The following E2F3 variants were observed in gnomAD, a reference collection of about 807,000 sequenced individuals.
The protein encoded by E2F3 is transcription factor E2F3.
Under a neutral mutation model 44.4 loss-of-function variants are expected in E2F3, and 11 were observed. The ratio of observed to expected loss-of-function variants is 0.25; its 90% CI spans 0.16 to 0.41. The LOEUF (loss-of-function observed/expected upper bound fraction) is 0.41, where lower values mean the gene tolerates loss of function less well. E2F3 is among the 10% of genes least tolerant of loss of function. The probability of loss-of-function intolerance (pLI) is 1.00; values close to 1 mark genes in which losing one functional copy is unlikely to be tolerated. For synonymous variants in E2F3, 249 were observed against 253.0 expected, an observed-to-expected ratio of 0.98 and a Z score of 0.15; for missense variants, 487 against 583.6, an observed-to-expected ratio of 0.83 and a Z score of 1.70.
chr6:20,490,315 C>A lies in E2F3; in HGVS notation c.1283C>A (p.Pro428His), dbSNP rs1309080269. ...LEGPFVNLLP[P>H]LLQEDYLLSL... ...GGACCGTTTGTGAACTTACTGCCTCCCCTGCTGCAAGAGGACTATCTCCTG... is the reference window on the plus strand; with the variant it reads ...GGACCGTTTGTGAACTTACTGCCTCACCTGCTGCAAGAGGACTATCTCCTG... Residue 428 changes from proline to histidine, a missense_variant, in exon 7 of 7, where the codon CCC (proline) becomes CAC (histidine). By Grantham distance (77) the Pro-to-His change is moderately conservative. Around this residue, in one of 3 missense-constraint regions of E2F3, gnomAD observed 220 missense variants for 261.7 expected, o/e 0.84. Coordinates refer to ENST00000346618, the MANE Select transcript of E2F3 (RefSeq NM_001949.5). This position sits in a 1 kb window ranked among gnomAD's most constrained non-coding sequence, Gnocchi z 4.3. 1.2e-6 allele frequency: 2 copies of A among 1,614,156 alleles called. No individual in the cohort carries two copies. Among genetic ancestry groups the A allele is most frequent in the East Asian group, 2.2e-5 (1 of 44,882 alleles).
intron 1 of E2F3, among the ~76,000 whole-genome samples, chr6:20,428,191 C>G (rs1419849269): frequency 1.3e-5 from 2 of 152,108 alleles, no homozygotes; most frequent in Non-Finnish European, 2.9e-5. Flanking sequence ...AGTCATTTCT[C>G]TTTTCTAGAC....
chr6:20,443,940 A>G (rs1475912186), intron 1 of E2F3, among the ~76,000 whole-genome samples: 1 of 152,168 alleles, frequency 6.6e-6, no homozygotes, highest in African/African-American at 2.4e-5. Context: ...GGCTGGGCTC[A>G]GTGTCTCACT....
At chr6:20,409,870 G>A (rs1360213041) in intron 1 of E2F3, among the ~76,000 whole-genome samples, 1 of 152,210 alleles carries the variant, frequency 6.6e-6, no homozygotes, top group African/African-American at 2.4e-5. Context: ...CCACAAACCA[G>A]AAAGGTGCCC....
intron 1 of E2F3, among the ~76,000 whole-genome samples, chr6:20,444,789 G>C (rs1002941616): frequency 6.6e-6 from 1 of 152,226 alleles, no homozygotes; most frequent in Non-Finnish European, 1.5e-5. Flanking sequence ...AGATTTTGTT[G>C]CTAGGTCTTG....
chr6:20,412,018 T>C (rs1759690871), intron 1 of E2F3, among the ~76,000 whole-genome samples: 2 of 152,218 alleles, frequency 1.3e-5, no homozygotes, highest in African/African-American at 4.8e-5. Context: ...CCATTAGTCC[T>C]ATTGGGGATA....
rs1762612303 is a variant in E2F3, at chr6:20,493,619, C to G, written c.*3189C>G. On this transcript the variant is annotated 3_prime_UTR_variant, in exon 7 of 7. Transcript: ENST00000346618. ...TGTAAATAGATTTGTTACAGGGTGA[C>G]CTGTTCTCTAGCTGTGATCTTACCA... 4.9e-6 allele frequency: 1 copy of G among 204,374 alleles called. No homozygotes were observed. Among genetic ancestry groups the G allele is most frequent in the South Asian group, 1.9e-4 (1 of 5,264 alleles). 12.7% of individuals were successfully genotyped at this position (204,374 alleles called of 1,614,324 possible).
At chr6:20,464,390 C>T (rs915428918) in intron 1 of E2F3, among the ~76,000 whole-genome samples, 2 of 152,192 alleles carry the variant, frequency 1.3e-5, no homozygotes, top group African/African-American at 2.4e-5. Context: ...TTGCATTCCT[C>T]AGGTAGGTAG....
chr6:20,418,394 G>C (rs1032135747), intron 1 of E2F3, among the ~76,000 whole-genome samples: 6 of 152,340 alleles, frequency 3.9e-5, no homozygotes, highest in Admixed American at 3.3e-4. Context: ...TGGCCAGCCA[G>C]TTGGCTGTCT....
At chr6:20,443,577 CA>C (rs1382073458) in intron 1 of E2F3, among the ~76,000 whole-genome samples, 1 of 151,822 alleles carries the variant, frequency 6.6e-6, no homozygotes, top group Non-Finnish European at 1.5e-5. Flanking sequence ...CCTATCTCTT[CA>C]AAAAAATTTA....
rs747485409 is a variant in E2F3, at chr6:20,492,861, T to C, written c.*2431T>C. ...GTATCCGGCACACAAAGTGGGTTAG[T>C]ACTACAGTATTTGCGTTACTTTAAG... On this transcript the variant is annotated 3_prime_UTR_variant, in exon 7 of 7. Transcript: ENST00000346618. The C allele has an allele frequency of 6.3e-4, 139 of 221,916 alleles. 1 individual carries two copies. The highest frequency in any genetic ancestry group is 1.1e-3 in the Non-Finnish European group (120 of 110,722). The allele number at this position is 221,916 out of a possible 1,614,324, so 13.7% of individuals were successfully genotyped here.
At chr6:20,439,696 A>T (rs1489675777) in intron 1 of E2F3, among the ~76,000 whole-genome samples, 1 of 152,034 alleles carries the variant, frequency 6.6e-6, no homozygotes, top group Non-Finnish European at 1.5e-5. Context: ...AAGCCTGGCT[A>T]ATTTTTTAAA....
At position 20,491,073 on chromosome 6, in the gene E2F3, T is replaced by C. The variant is rs1762540572; in HGVS notation, c.*643T>C. 4.3e-6 allele frequency: 1 copy of C among 230,142 alleles called. No individual in the cohort carries two copies. Among genetic ancestry groups the C allele is most frequent in the South Asian group, 1.8e-4 (1 of 5,500 alleles). 14.3% of individuals were successfully genotyped at this position (230,142 alleles called of 1,614,324 possible). A position where few individuals can be genotyped will look rare whatever the true frequency, so the allele number is the denominator to read the frequency against. On this transcript the variant is annotated 3_prime_UTR_variant, in exon 7 of 7. Coordinates refer to ENST00000346618, the MANE Select transcript of E2F3 (RefSeq NM_001949.5). Reference sequence around the variant, plus strand: ...TGGATGAAGAACCTGTTTTCAAATATACTTGTTGCAGATACAGAAGACTAG... The same window carrying C: ...TGGATGAAGAACCTGTTTTCAAATACACTTGTTGCAGATACAGAAGACTAG...
chr6:20,423,070 A>T (rs1018590012), intron 1 of E2F3, among the ~76,000 whole-genome samples: 11 of 152,066 alleles, frequency 7.2e-5, no homozygotes, highest in Non-Finnish European at 1.5e-4. Flanking sequence ...CAAGCCTATT[A>T]TGTTTCTTTT....
At chr6:20,421,408 G>A (rs954810606) in intron 1 of E2F3, among the ~76,000 whole-genome samples, 9 of 152,172 alleles carry the variant, frequency 5.9e-5, no homozygotes, top group African/African-American at 2.2e-4. Flanking sequence ...AATAAGACTA[G>A]AAATTCAAAA....
rs1759341141 is a variant in E2F3 at position 20,402,562 on chromosome 6, C to T, written c.330C>T (p.Ala110=). The T allele has an allele frequency of 2.6e-6, 4 of 1,547,548 alleles. No homozygotes were observed. In the African/African-American group the frequency reaches 4.3e-5, roughly 17 times the overall value. ...YTTPHGPSSR[A]GLLQQPPALG... ...CGCCGCACGGACCCTCCAGCAGAGC[C>T]GGGCTGCTGCAGCAGCCACCAGCGC... The change falls in exon 1 of 7, where the codon GCC becomes GCT. Residue 110 remains alanine (A), a synonymous_variant. Transcript: ENST00000346618. The surrounding 1 kb of genome is among the most constrained non-coding windows in gnomAD (Gnocchi z 5.6).
intron 1 of E2F3, among the ~76,000 whole-genome samples, chr6:20,419,567 TTAC>T: frequency 1.3e-5 from 2 of 152,100 alleles, no homozygotes; most frequent in Non-Finnish European, 2.9e-5. Context: ...ACTTACTTAC[TTAC>T]TTACTTATTT....
intron 4 of E2F3, among the ~76,000 whole-genome samples, 163 bp from the exon 5 acceptor site, chr6:20,486,526 C>A (rs1212997979): frequency 4.6e-5 from 7 of 152,230 alleles, no homozygotes; most frequent in Admixed American, 3.9e-4. Flanking sequence ...CCCGCCTCGG[C>A]CTCCCAAAGT....
At chr6:20,436,022 C>T (rs60885944) in intron 1 of E2F3, among the ~76,000 whole-genome samples, 3 of 148,936 alleles carry the variant, frequency 2.0e-5, no homozygotes, top group Admixed American at 6.7e-5. Flanking sequence ...TCTCTGTTGC[C>T]CAGGCTGGAG....
Position 20,422,178 on chromosome 6 carries a change from A to G in E2F3, c.393+19553A>G, listed in dbSNP as rs558180278. 4.9e-4 allele frequency among the ~76,000 whole-genome samples: 75 copies of G among 152,338 alleles called. 1 individual carries two copies. Among genetic ancestry groups the G allele is most frequent in the Middle Eastern group, 6.8e-3 (2 of 294 alleles). Reference sequence around the variant, plus strand: ...AACTTGCTGCTGTTTCTATGTCAGCACTTGCTGCTTCGCGTTGCACTTTTA... The same window carrying G: ...AACTTGCTGCTGTTTCTATGTCAGCGCTTGCTGCTTCGCGTTGCACTTTTA... On this transcript the variant is annotated intron_variant, in intron 1 of 6. Transcript: ENST00000346618.
Sources: gnomAD v4.1 joint callset for allele counts (sites outside exome capture counted in the v4.1 genomes callset) on GRCh38, gnomAD v4.1.1 for gene constraint, gnomAD v4.1.1 regional missense constraint, Gnocchi (gnomAD v3.1) non-coding constraint, MANE v1.5 for transcripts, NCBI Gene and HGNC (gene_info 2026-07-23, HGNC 2026-07-21) for gene names.